Variants in OTOP2 observed in about 807,000 individuals in gnomAD.
OTOP2 encodes otopetrin 2.
A neutral mutation model predicts 47.4 loss-of-function variants in OTOP2; 41 were observed. That is an observed-to-expected ratio of 0.87 (90% CI 0.67 to 1.12). OTOP2 has a LOEUF of 1.12. Among genes scored for constraint, OTOP2 ranks in the 50% most tolerant of loss-of-function variants. The pLI is 0.00. For synonymous variants in OTOP2, 328 were observed against 319.6 expected, an observed-to-expected ratio of 1.03 and a Z score of -0.28; for missense variants, 721 against 752.2, an observed-to-expected ratio of 0.96 and a Z score of 0.49.
At chr17:74,931,654 G>A (rs1388937651) in intron 6 of OTOP2, among the ~76,000 whole-genome samples, 1 of 152,156 alleles carries the variant, frequency 6.6e-6, no homozygotes, top group African/African-American at 2.4e-5. Flanking sequence ...ACTCAGCAAA[G>A]ATTAAGAACA....
At chr17:74,932,540 T>C (rs1189943741) in intron 6 of OTOP2, among the ~76,000 whole-genome samples, 2 of 152,372 alleles carry the variant, frequency 1.3e-5, no homozygotes, top group South Asian at 2.1e-4. Context: ...TCAGCATGTC[T>C]TGGAACGTCT....
At position 74,924,397 on chromosome 17, in the gene OTOP2, GGGTGCTGCC is replaced by G; in HGVS notation, c.-34+66_-34+74del. 1.9e-6 allele frequency: 1 copy of G among 534,702 alleles called. No individual in the cohort carries two copies. The highest frequency in any genetic ancestry group is 3.2e-6 in the Non-Finnish European group (1 of 309,166). 33.1% of individuals were successfully genotyped at this position (534,702 alleles called of 1,614,324 possible). On this transcript the variant is annotated intron_variant, in intron 1 of 6. Coordinates refer to ENST00000331427, the MANE Select transcript of OTOP2 (RefSeq NM_178160.3). The surrounding 1 kb of genome is among the most constrained non-coding windows in gnomAD (Gnocchi z 7.7). ...GTGGGGACCTTGGAGGGGTCCAACC[GGGTGCTGCC>G]GCTTCTCCTTTCTTCCCATCCAGCG...
rs112003717 is a variant in OTOP2, at chr17:74,928,109, A to G, written c.643+311A>G. 6.2e-3 allele frequency: 1,758 copies of G among 282,392 alleles called. 30 individuals are homozygous for G. The highest frequency in any genetic ancestry group is 0.032 in the African/African-American group (1,440 of 45,298). 17.5% of individuals were successfully genotyped at this position (282,392 alleles called of 1,614,324 possible). On this transcript the variant is annotated intron_variant, in intron 5 of 6. Coordinates refer to ENST00000331427, the MANE Select transcript of OTOP2 (RefSeq NM_178160.3). ...TGTAATCCTAGCACTTTGGAAGGCT[A>G]AGGCAGACCAATTGCTTGAGCTCAG... is the stretch of plus-strand genomic sequence containing the variant.
At chr17:74,932,290 G>C (rs750701181) in intron 6 of OTOP2, among the ~76,000 whole-genome samples, 2 of 152,136 alleles carry the variant, frequency 1.3e-5, no homozygotes, top group Non-Finnish European at 2.9e-5. Context: ...TCCCAGGACA[G>C]AGCAAGAGCC....
rs543275626 is a variant in OTOP2, at chr17:74,924,420, T to C, written c.-34+87T>C. 340 of 572,364 alleles carry C rather than the reference T, an allele frequency of 5.9e-4. 2 individuals are homozygous for C. The highest frequency in any genetic ancestry group is 5.8e-3 in the African/African-American group (303 of 52,500). 35.5% of individuals were successfully genotyped at this position (572,364 alleles called of 1,614,324 possible). On this transcript the variant is annotated intron_variant, in intron 1 of 6. Coordinates refer to ENST00000331427, the MANE Select transcript of OTOP2 (RefSeq NM_178160.3). This position sits in a 1 kb window ranked among gnomAD's most constrained non-coding sequence, Gnocchi z 7.7. ...CCGGGTGCTGCCGCTTCTCCTTTCT[T>C]CCCATCCAGCGAGAGGGGCAGGTTC...
At chr17:74,925,499 G>A (rs528813413) in intron 2 of OTOP2, 57 bp from the exon 3 acceptor site, 9 of 1,594,564 alleles carry the variant, frequency 5.6e-6, no homozygotes, top group Non-Finnish European at 7.7e-6. Flanking sequence ...AGCTCGGCAG[G>A]CCTTCTCTCC....
intron 6 of OTOP2, among the ~76,000 whole-genome samples, chr17:74,931,720 C>T (rs1243926048): frequency 1.3e-5 from 2 of 152,008 alleles, no homozygotes; most frequent in South Asian, 2.1e-4. Context: ...TTTGGGAGGC[C>T]GAGGCAGGCA....
chr17:74,931,772 G>A (rs961944434), intron 6 of OTOP2, among the ~76,000 whole-genome samples: 1 of 152,100 alleles, frequency 6.6e-6, no homozygotes, highest in African/African-American at 2.4e-5. Flanking sequence ...GGCCAACAGG[G>A]TGAAACCCTG....
In OTOP2 at chr17:74,933,682, A is replaced by G; in HGVS notation, c.*137A>G. 1.8e-6 allele frequency: 2 copies of G among 1,090,388 alleles called. No homozygotes were observed. Among genetic ancestry groups the G allele is most frequent in the East Asian group, 5.2e-5 (2 of 38,098 alleles). 67.5% of individuals were successfully genotyped at this position (1,090,388 alleles called of 1,614,324 possible). On this transcript the variant is annotated 3_prime_UTR_variant, in exon 7 of 7. Transcript: ENST00000331427. This position sits in a 1 kb window ranked among gnomAD's most constrained non-coding sequence, Gnocchi z 4.7. ...CTGGTCCCAGAGTGGAATTTTCACAAAAGTTATTTTTCCAGGTTCAATTTT... is the reference window on the plus strand; with the variant it reads ...CTGGTCCCAGAGTGGAATTTTCACAGAAGTTATTTTTCCAGGTTCAATTTT...
chr17:74,925,411 C>T, intron 2 of OTOP2, 145 bp from the exon 3 acceptor site: 1 of 1,016,736 alleles, frequency 9.8e-7, no homozygotes, highest in Non-Finnish European at 1.4e-6. Flanking sequence ...TCCCACCCTC[C>T]CCATTGATCC....
chr17:74,931,530 A>G (rs2039058770), intron 6 of OTOP2, among the ~76,000 whole-genome samples: 1 of 152,198 alleles, frequency 6.6e-6, no homozygotes, highest in African/African-American at 2.4e-5. Context: ...CCTGCTTCTC[A>G]GAATAATTGG....
chr17:74,931,869 T>C (rs1164571370), intron 6 of OTOP2, among the ~76,000 whole-genome samples: 2 of 150,682 alleles, frequency 1.3e-5, no homozygotes, highest in African/African-American at 4.9e-5. Flanking sequence ...GGCAAGGGAA[T>C]TGTTTGAACC....
At chr17:74,931,710 T>C (rs1477121646) in intron 6 of OTOP2, among the ~76,000 whole-genome samples, 1 of 152,048 alleles carries the variant, frequency 6.6e-6, no homozygotes, top group East Asian at 1.9e-4. Context: ...ATCCCAGCAC[T>C]TTGGGAGGCC....
At position 74,927,661 on chromosome 17, in the gene OTOP2, A is replaced by G. The variant is rs757610915; in HGVS notation, c.510-4A>G. The G allele has an allele frequency of 6.2e-7, 1 of 1,612,142 alleles. No homozygotes were observed. The highest frequency in any genetic ancestry group is 1.1e-5 in the South Asian group (1 of 90,808). On this transcript the variant is annotated splice_region_variant and splice_polypyrimidine_tract_variant and intron_variant, in intron 4 of 6. Transcript: ENST00000331427. ...TCTTTGTCCCCACCCCTGACCCCAA[A>G]CAGGTGTGGTCTCATGTTCACACTC...
intron 3 of OTOP2, among the ~76,000 whole-genome samples, chr17:74,926,496 G>A (rs2039009503): frequency 6.6e-6 from 1 of 151,898 alleles, no homozygotes; most frequent in Non-Finnish European, 1.5e-5. Flanking sequence ...GTCAAATGAA[G>A]GTGAGAAGTC....
chr17:74,933,313 A>C lies in OTOP2; in HGVS notation c.1519-62A>C. The C allele has an allele frequency of 6.5e-7, 1 of 1,541,346 alleles. No homozygotes were observed. The highest frequency in any genetic ancestry group is 8.8e-7 in the Non-Finnish European group (1 of 1,134,778). On this transcript the variant is annotated intron_variant, in intron 6 of 6. Coordinates refer to ENST00000331427, the MANE Select transcript of OTOP2 (RefSeq NM_178160.3). This position sits in a 1 kb window ranked among gnomAD's most constrained non-coding sequence, Gnocchi z 4.7. ...ATCTAGCCACGGCCCAGCAAAACCC[A>C]CAGAAATGACCCACAGGCATCCATC...
At chr17:74,927,186 T>A (rs1305283828) in intron 3 of OTOP2, 37 bp from the exon 4 acceptor site, 1 of 1,566,170 alleles carries the variant, frequency 6.4e-7, no homozygotes, top group East Asian at 2.2e-5. Context: ...TGTCCATCTA[T>A]GGAGTAAATG....
intron 2 of OTOP2, 75 bp downstream of exon 2, chr17:74,925,020 A>T (rs1051583186): frequency 3.4e-6 from 5 of 1,452,436 alleles, no homozygotes; most frequent in Non-Finnish European, 4.6e-6. Flanking sequence ...CAGGAGTTGC[A>T]GAGTGCAGAT....
At chr17:74,927,113 T>C in intron 3 of OTOP2, 110 bp from the exon 4 acceptor site, 1 of 1,009,358 alleles carries the variant, frequency 9.9e-7, no homozygotes, top group Non-Finnish European at 1.6e-6. Flanking sequence ...ACCTGATAAC[T>C]CAGTGTAAGG....
Sources: gnomAD v4.1 joint callset for allele counts (sites outside exome capture counted in the v4.1 genomes callset) on GRCh38, gnomAD v4.1.1 for gene constraint, Gnocchi (gnomAD v3.1) non-coding constraint, MANE v1.5 for transcripts, NCBI Gene and HGNC (gene_info 2026-07-23, HGNC 2026-07-21) for gene names.